MAPT: variants seen among roughly 807,000 people sequenced by gnomAD.
The protein encoded by MAPT is microtubule associated protein tau.
Under a neutral mutation model 67.9 loss-of-function variants are expected in MAPT, and 34 were observed. That is an observed-to-expected ratio of 0.50 (90% CI 0.38 to 0.67). The LOEUF is 0.67. Among genes scored for constraint, MAPT ranks in the 30% least tolerant of loss-of-function variants. The pLI, the probability that MAPT is intolerant of heterozygous loss-of-function variation, is 0.00. For synonymous variants in MAPT, 456 were observed against 464.5 expected (o/e 0.98, Z 0.23); for missense variants, 881 against 1,115.2 (o/e 0.79, Z 2.99).
intron 1 of MAPT, among the ~76,000 whole-genome samples, chr17:45,955,289 G>A (rs781531787): frequency 1.3e-4 from 20 of 152,142 alleles, no homozygotes; most frequent in African/African-American, 4.8e-5. Flanking sequence ...ACCCCAACCC[G>A]ATTTTGAAGC....
chr17:46,014,978 T>C (rs2076075976), intron 11 of MAPT, among the ~76,000 whole-genome samples: 1 of 151,524 alleles, frequency 6.6e-6, no homozygotes, highest in Admixed American at 6.6e-5. Context: ...AGTGAGGGGA[T>C]GGTGGGGGGA....
At chr17:45,952,583 A>T (rs1275094001) in intron 1 of MAPT, among the ~76,000 whole-genome samples, 1 of 152,144 alleles carries the variant, frequency 6.6e-6, no homozygotes, top group East Asian at 1.9e-4. Context: ...CCTGGGGTTC[A>T]TGACCAGCCT....
At chr17:45,964,142 A>AG (rs1192718228) in intron 2 of MAPT, among the ~76,000 whole-genome samples, 1 of 151,960 alleles carries the variant, frequency 6.6e-6, no homozygotes, top group Non-Finnish European at 1.5e-5. Flanking sequence ...TCAGCTCCCC[A>AG]GGGAGGGCAC....
chr17:46,013,343 CCTGT>C (rs2075951413), intron 10 of MAPT, among the ~76,000 whole-genome samples: 1 of 152,250 alleles, frequency 6.6e-6, no homozygotes, highest in Non-Finnish European at 1.5e-5. Flanking sequence ...CTCCAAGGGA[CCTGT>C]CTGTCTGCCA....
intron 1 of MAPT, among the ~76,000 whole-genome samples, chr17:45,942,794 T>C (rs988764773): frequency 5.9e-5 from 9 of 152,234 alleles, no homozygotes; most frequent in African/African-American, 1.9e-4. Flanking sequence ...CAGCGATGGT[T>C]CTGAACACTT....
chr17:45,948,798 T>G (rs1287512838), intron 1 of MAPT, among the ~76,000 whole-genome samples: 2 of 152,160 alleles, frequency 1.3e-5, no homozygotes, highest in African/African-American at 4.8e-5. Flanking sequence ...TCATGAGAAA[T>G]CCTGCTTTCC....
intron 5 of MAPT, among the ~76,000 whole-genome samples, chr17:45,984,217 A>C (rs1341562674): frequency 6.6e-6 from 1 of 151,664 alleles, no homozygotes; most frequent in Non-Finnish European, 1.5e-5. Flanking sequence ...TGATTTGTCC[A>C]CAACGGCCCA....
intron 1 of MAPT, among the ~76,000 whole-genome samples, chr17:45,939,976 A>G (rs62061730): frequency 0.14 from 21,825 of 152,226 alleles, 2,139 homozygotes; most frequent in Middle Eastern, 0.22. Flanking sequence ...TGTAGCTTAA[A>G]GGAATCAGAT....
At chr17:45,990,972 C>T (rs181222305) in intron 7 of MAPT, among the ~76,000 whole-genome samples, 5 of 152,228 alleles carry the variant, frequency 3.3e-5, no homozygotes, top group Non-Finnish European at 4.4e-5. Context: ...GGGTTGTTTG[C>T]GAGAGAATGA....
chr17:46,016,390 C>CA (rs1263862033), intron 11 of MAPT, among the ~76,000 whole-genome samples: 12,462 of 100,810 alleles, frequency 0.12, 800 homozygotes, highest in Middle Eastern at 0.23. Context: ...GACTCCGTCT[C>CA]AAAAAAAAAA....
Position 45,983,779 on chromosome 17 carries a change from T to G in MAPT, c.1200T>G (p.Ala400=), listed in dbSNP as rs758542317. 6 of 1,614,012 alleles carry G rather than the reference T, an allele frequency of 3.7e-6. No individual in the cohort carries two copies. The Admixed American group carries it at 1.0e-4, about 27-fold the overall frequency. Residue 400 remains alanine, a synonymous_variant, in exon 5 of 13, where the codon GCT becomes GCG. Transcript: ENST00000262410. ...ACTCGGAGGAGCATTTGGGAAGGGC[T>G]GCATTTCCAGGGGCCCCTGGAGAGG... The part of the protein sequence containing the change: ...QAHSEEHLGR[A]AFPGAPGEGP...
In MAPT at chr17:45,897,345, G is replaced by T. The variant is rs2143660705; in HGVS notation, c.-18+2659G>T. ...GATGAGCGCATTTAGCCCAATGCTG[G>T]GAACAAAGCGCACTCCGCGCTTCTG... On this transcript the variant is annotated intron_variant, in intron 1 of 12. Coordinates refer to ENST00000262410, the MANE Select transcript of MAPT (RefSeq NM_001377265.1). The surrounding 1 kb of genome is among the most constrained non-coding windows in gnomAD (Gnocchi z 5.0). 6.6e-6 allele frequency: 1 copy of T among 152,398 alleles called. No individual in the cohort carries two copies. The highest frequency in any genetic ancestry group is 2.4e-5 in the African/African-American group (1 of 41,586). 9.4% of individuals were successfully genotyped at this position (152,398 alleles called of 1,614,324 possible).
intron 1 of MAPT, among the ~76,000 whole-genome samples, chr17:45,953,334 T>C (rs539728572): frequency 6.6e-6 from 1 of 152,348 alleles, no homozygotes; most frequent in South Asian, 2.1e-4. Context: ...AATGGGCTTG[T>C]CTTTCTTAAC....
At position 45,903,943 on chromosome 17, in the gene MAPT, TAA is replaced by T. The variant is rs1237284557; in HGVS notation, c.-18+9258_-18+9259del. Among the ~76,000 whole-genome samples, 17 of 25,654 alleles carry T rather than the reference TAA, an allele frequency of 6.6e-4. 1 individual carries two copies. The highest frequency in any genetic ancestry group is 2.4e-3 in the African/African-American group (15 of 6,172). 16.8% of individuals were successfully genotyped at this position (25,654 alleles called of 152,430 possible). ...TTTATATATATTATATATTTATATA[TAA>T]TATATATTATATATTATATATTATA... On this transcript the variant is annotated intron_variant, in intron 1 of 12. Transcript: ENST00000262410.
chr17:45,900,297 G>A (rs532768576), intron 1 of MAPT, among the ~76,000 whole-genome samples: 33 of 152,264 alleles, frequency 2.2e-4, no homozygotes, highest in Non-Finnish European at 3.5e-4. Flanking sequence ...TTCCTTTCCT[G>A]TCTCCAGGTG....
rs188986452 is a variant in MAPT, at chr17:45,995,043, G to A, written c.1733-1356G>A. ...AGCCTGGGCATCAGAATAAGACTCCGTCTCAAAAAAAAAACCACAAAAAAA... is the reference window on the plus strand; with the variant it reads ...AGCCTGGGCATCAGAATAAGACTCCATCTCAAAAAAAAAACCACAAAAAAA... On this transcript the variant is annotated intron_variant, in intron 8 of 12. Coordinates refer to ENST00000262410, the MANE Select transcript of MAPT (RefSeq NM_001377265.1). This position sits in a 1 kb window ranked among gnomAD's most constrained non-coding sequence, Gnocchi z 4.3. 2.6e-5 allele frequency among the ~76,000 whole-genome samples: 4 copies of A among 151,580 alleles called. No homozygotes were observed. The highest frequency in any genetic ancestry group is 7.3e-5 in the African/African-American group (3 of 41,330).
chr17:46,018,038 G>A (rs981095714), intron 11 of MAPT, among the ~76,000 whole-genome samples: 1 of 151,548 alleles, frequency 6.6e-6, no homozygotes, highest in African/African-American at 2.4e-5. Context: ...CCAGCCACTC[G>A]GTTGGCTGAG....
At chr17:45,957,045 C>T (rs1397742391) in intron 1 of MAPT, among the ~76,000 whole-genome samples, 2 of 152,012 alleles carry the variant, frequency 1.3e-5, no homozygotes, top group Non-Finnish European at 2.9e-5. Context: ...GTGAATAGTG[C>T]CGCAATAAAC....
At position 45,960,456 on chromosome 17, in the gene MAPT, T is replaced by C. The variant is rs181598308; in HGVS notation, c.-17-1865T>C. On this transcript the variant is annotated intron_variant, in intron 1 of 12. Coordinates refer to ENST00000262410, the MANE Select transcript of MAPT (RefSeq NM_001377265.1). Reference sequence around the variant, plus strand: ...TGGCATGTGCCGCCTGTCCTGGAATTTCACATCACTTATGATGGACCAAAA... The same window carrying C: ...TGGCATGTGCCGCCTGTCCTGGAATCTCACATCACTTATGATGGACCAAAA... Among the ~76,000 whole-genome samples the C allele has an allele frequency of 7.0e-4, 106 of 152,374 alleles. 1 individual carries two copies. In the East Asian group the frequency reaches 0.014, roughly 20 times the overall value.
Sources: allele counts gnomAD v4.1 joint callset (sites outside exome capture counted in the v4.1 genomes callset), GRCh38; gene constraint gnomAD v4.1.1; non-coding constraint Gnocchi (gnomAD v3.1); transcripts MANE v1.5; gene names NCBI Gene and HGNC (gene_info 2026-07-23, HGNC 2026-07-21).